The following CNTNAP4 variants were observed in gnomAD, a reference collection of about 807,000 sequenced individuals.
The protein encoded by CNTNAP4 is contactin-associated protein-like 4.
Under a neutral mutation model 148.4 loss-of-function variants are expected in CNTNAP4, and 98 were observed. The ratio of observed to expected loss-of-function variants is 0.66; its 90% CI spans 0.56 to 0.78. CNTNAP4 has a LOEUF of 0.78. Ranked by LOEUF, CNTNAP4 falls within the 30% of genes least tolerant of loss-of-function variation. The probability of loss-of-function intolerance (pLI) is 0.00; values close to 1 mark genes in which losing one functional copy is unlikely to be tolerated. For synonymous variants in CNTNAP4, 730 were observed against 565.1 expected, an observed-to-expected ratio of 1.29 and a Z score of -4.14; for missense variants, 1,935 against 1,565.6, an observed-to-expected ratio of 1.24 and a Z score of -3.98.
chr16:76,402,357 TGG>T (rs200404263), intron 3 of CNTNAP4, among the ~76,000 whole-genome samples: 1 of 150,658 alleles, frequency 6.6e-6, no homozygotes, highest in African/African-American at 2.5e-5. Flanking sequence ...TTCTGATGTT[TGG>T]TGTTTTTTTT....
At chr16:76,454,933 A>G (rs750200008) in intron 8 of CNTNAP4, among the ~76,000 whole-genome samples, 1 of 152,232 alleles carries the variant, frequency 6.6e-6, no homozygotes, top group Non-Finnish European at 1.5e-5. Context: ...AATATATTTT[A>G]TAATGAAATT....
chr16:76,336,460 A>G (rs1022630170), intron 2 of CNTNAP4, among the ~76,000 whole-genome samples: 1 of 152,224 alleles, frequency 6.6e-6, no homozygotes, highest in Non-Finnish European at 1.5e-5. Context: ...AGAAAAAGTT[A>G]TTAAACACTT....
intron 1 of CNTNAP4, among the ~76,000 whole-genome samples, chr16:76,299,829 G>C (rs1049131240): frequency 3.3e-5 from 5 of 152,150 alleles, no homozygotes; most frequent in African/African-American, 1.2e-4. Context: ...AAAATGATAA[G>C]TTCATGTCCT....
intron 1 of CNTNAP4, among the ~76,000 whole-genome samples, chr16:76,282,037 C>T (rs1204970396): frequency 6.6e-6 from 1 of 151,596 alleles, no homozygotes; most frequent in African/African-American, 2.4e-5. Flanking sequence ...TAATTGACCC[C>T]TATTTAAATA....
chr16:76,545,950 G>A (rs890984058), intron 21 of CNTNAP4, among the ~76,000 whole-genome samples: 3 of 151,870 alleles, frequency 2.0e-5, no homozygotes, highest in Admixed American at 6.6e-5. Context: ...CAGTGGAGTC[G>A]CTTGAACCCG....
chr16:76,437,916 T>A (rs1380720429), intron 4 of CNTNAP4, among the ~76,000 whole-genome samples: 1 of 152,138 alleles, frequency 6.6e-6, no homozygotes, highest in Non-Finnish European at 1.5e-5. Flanking sequence ...TTTATTGGAC[T>A]AAGCTGCTGT....
intron 3 of CNTNAP4, among the ~76,000 whole-genome samples, chr16:76,389,727 A>T (rs372998699): frequency 2.0e-5 from 3 of 151,986 alleles, no homozygotes; most frequent in Non-Finnish European, 2.9e-5. Flanking sequence ...CAGCCTCCCA[A>T]AGTGCTGGGA....
At chr16:76,380,538 G>A (rs1470024737) in intron 3 of CNTNAP4, among the ~76,000 whole-genome samples, 1 of 152,062 alleles carries the variant, frequency 6.6e-6, no homozygotes, top group Non-Finnish European at 1.5e-5. Context: ...TTTTAAAAAT[G>A]CTTGTGATTA....
chr16:76,316,358 T>C (rs1466393901), intron 1 of CNTNAP4, 55 bp from the exon 2 acceptor site: 2 of 1,138,452 alleles, frequency 1.8e-6, no homozygotes, highest in Non-Finnish European at 2.7e-6. Flanking sequence ...GTCTATTGAT[T>C]CCACGAAAGC....
At chr16:76,422,516 G>A (rs59074908) in intron 3 of CNTNAP4, among the ~76,000 whole-genome samples, 5,014 of 152,178 alleles carry the variant, frequency 0.033, 239 homozygotes, top group African/African-American at 0.11. Flanking sequence ...CATAAATTAT[G>A]AGGAAAAATG....
chr16:76,316,555 T>C (rs1444409144), intron 2 of CNTNAP4, 32 bp downstream of exon 2: 1 of 1,384,824 alleles, frequency 7.2e-7, no homozygotes, highest in Admixed American at 1.7e-5. Flanking sequence ...GACTGGCCCA[T>C]AGAAAATCTC....
At chr16:76,302,222 A>G (rs533610138) in intron 1 of CNTNAP4, among the ~76,000 whole-genome samples, 21 of 152,310 alleles carry the variant, frequency 1.4e-4, no homozygotes, top group African/African-American at 4.8e-4. Flanking sequence ...AGAAAGTGAC[A>G]AAAAGCAAGC....
chr16:76,343,590 T>G (rs995953245), intron 2 of CNTNAP4, among the ~76,000 whole-genome samples: 1 of 152,170 alleles, frequency 6.6e-6, no homozygotes, highest in African/African-American at 2.4e-5. Context: ...TAATTACACG[T>G]TTATAACCAC....
intron 12 of CNTNAP4, among the ~76,000 whole-genome samples, chr16:76,486,415 T>C (rs936212455): frequency 6.6e-6 from 1 of 152,100 alleles, no homozygotes. Flanking sequence ...CAGAAACAAA[T>C]GTGCATACGG....
intron 2 of CNTNAP4, among the ~76,000 whole-genome samples, chr16:76,344,693 C>G (rs1411639951): frequency 1.3e-5 from 2 of 152,166 alleles, no homozygotes; most frequent in Non-Finnish European, 2.9e-5. Flanking sequence ...GAGAGAGATT[C>G]TATTTGTTGT....
At chr16:76,545,078 T>C (rs552992442) in intron 21 of CNTNAP4, among the ~76,000 whole-genome samples, 20 of 152,288 alleles carry the variant, frequency 1.3e-4, no homozygotes, top group African/African-American at 4.1e-4. Flanking sequence ...AAATAATGGA[T>C]TGGTTATTTT....
chr16:76,485,360 G>T (rs2081992915), intron 12 of CNTNAP4, among the ~76,000 whole-genome samples: 1 of 151,602 alleles, frequency 6.6e-6, no homozygotes, highest in South Asian at 2.1e-4. Context: ...TAGGTGATCC[G>T]CCTGCCTCAG....
At chr16:76,436,961 ATATC>A (rs780750972) in intron 4 of CNTNAP4, among the ~76,000 whole-genome samples, 5 of 140,174 alleles carry the variant, frequency 3.6e-5, no homozygotes, top group Admixed American at 7.4e-5. Flanking sequence ...CTAATACAGA[ATATC>A]TATCTATCTA....
chr16:76,470,853 C>G (rs907241852), intron 10 of CNTNAP4, among the ~76,000 whole-genome samples: 4 of 152,146 alleles, frequency 2.6e-5, no homozygotes, highest in Admixed American at 6.5e-5. Flanking sequence ...ACTCTACACA[C>G]ATGCACCAAT....
Sources: gnomAD v4.1 joint callset for allele counts (sites outside exome capture counted in the v4.1 genomes callset) on GRCh38, gnomAD v4.1.1 for gene constraint, MANE v1.5 for transcripts, NCBI Gene and HGNC (gene_info 2026-07-23, HGNC 2026-07-21) for gene names.